TMIGD3: variants seen among roughly 807,000 people sequenced by gnomAD.
The protein encoded by TMIGD3 is transmembrane and immunoglobulin domain containing 3.
A neutral mutation model predicts 28.1 loss-of-function variants in TMIGD3; 21 were observed. That is an observed-to-expected ratio of 0.75 (90% confidence interval 0.53 to 1.08). The LOEUF is 1.08. Ranked by LOEUF, TMIGD3 falls within the 50% of genes least tolerant of loss-of-function variation. The pLI is 0.00. For synonymous variants in TMIGD3, 151 were observed against 162.1 expected (o/e 0.93, Z 0.52); for missense variants, 416 against 435.6 (o/e 0.96, Z 0.40).
At chr1:111,545,041 T>G (rs1438735057) in intron 1 of TMIGD3, among the ~76,000 whole-genome samples, 1 of 130,310 alleles carries the variant, frequency 7.7e-6, no homozygotes, top group African/African-American at 2.9e-5. Flanking sequence ...TATATCCAAT[T>G]TGGTACATAC....
In TMIGD3 at chr1:111,502,447, G is replaced by A. The variant is rs183333314; in HGVS notation, c.350+558C>T. On this transcript the variant is annotated intron_variant, in intron 1 of 5. Transcript: ENST00000369716. ...ATAGGATACATATATTTATTATAAT[G>A]AATATATATAGGATACATATATTTA... is the stretch of plus-strand genomic sequence containing the variant. Among the ~76,000 whole-genome samples the A allele has an allele frequency of 2.2e-4, 17 of 78,026 alleles. 2 individuals carry two copies. The highest frequency in any genetic ancestry group is 7.3e-4 in the African/African-American group (12 of 16,540). 51.2% of individuals were successfully genotyped at this position (78,026 alleles called of 152,430 possible).
intron 1 of TMIGD3, chr1:111,500,437 T>C: frequency 6.2e-7 from 1 of 1,614,204 alleles, no homozygotes; most frequent in Non-Finnish European, 8.5e-7. Context: ...ATTTCTGTGG[T>C]ACTCTGAGGT....
At chr1:111,494,793 A>C (rs1654817524) in intron 1 of TMIGD3, among the ~76,000 whole-genome samples, 1 of 152,202 alleles carries the variant, frequency 6.6e-6, no homozygotes, top group Admixed American at 6.5e-5. Flanking sequence ...TGGTACAAAA[A>C]CAGACACATA....
At chr1:111,524,887 T>C (rs1656210884) in intron 1 of TMIGD3, among the ~76,000 whole-genome samples, 1 of 152,256 alleles carries the variant, frequency 6.6e-6, no homozygotes. Context: ...CCCAAAGTGC[T>C]GGGATTACAG....
intron 1 of TMIGD3, among the ~76,000 whole-genome samples, chr1:111,519,538 G>T (rs149188007): frequency 6.6e-6 from 1 of 152,206 alleles, no homozygotes; most frequent in East Asian, 1.9e-4. Flanking sequence ...CCTGTGACAC[G>T]GAGAGATGTG....
At chr1:111,540,262 A>G (rs993516446) in intron 1 of TMIGD3, among the ~76,000 whole-genome samples, 5 of 152,180 alleles carry the variant, frequency 3.3e-5, no homozygotes, top group African/African-American at 1.2e-4. Context: ...AGCACCCAGA[A>G]TGTTTTGACA....
intron 1 of TMIGD3, among the ~76,000 whole-genome samples, chr1:111,546,599 T>C (rs1208102117): frequency 6.6e-6 from 1 of 152,180 alleles, no homozygotes; most frequent in East Asian, 1.9e-4. Flanking sequence ...TGTGTCAGAA[T>C]TTTCATCCTT....
chr1:111,492,171 C>T (rs922238263), intron 1 of TMIGD3, among the ~76,000 whole-genome samples: 1 of 152,134 alleles, frequency 6.6e-6, no homozygotes, highest in Non-Finnish European at 1.5e-5. Context: ...GTGGATCCTC[C>T]AGCCACTGTC....
At chr1:111,523,371 A>C (rs1373618357) in intron 1 of TMIGD3, among the ~76,000 whole-genome samples, 2 of 152,186 alleles carry the variant, frequency 1.3e-5, no homozygotes, top group Non-Finnish European at 2.9e-5. Context: ...ATATATTGTT[A>C]GACTCAACGT....
chr1:111,528,405 T>A (rs34423622), intron 1 of TMIGD3, among the ~76,000 whole-genome samples: 24,470 of 152,226 alleles, frequency 0.16, 2,235 homozygotes, highest in East Asian at 0.46. Context: ...CTACACTGTC[T>A]TGATTATTAT....
At chr1:111,492,514 A>G (rs1272741917) in intron 1 of TMIGD3, among the ~76,000 whole-genome samples, 2 of 152,182 alleles carry the variant, frequency 1.3e-5, no homozygotes, top group Non-Finnish European at 2.9e-5. Flanking sequence ...AAAATGCCCA[A>G]GACATGAAAA....
chr1:111,553,587 G>T (rs376533888), intron 1 of TMIGD3, among the ~76,000 whole-genome samples: 2 of 152,062 alleles, frequency 1.3e-5, no homozygotes, highest in African/African-American at 2.4e-5. Context: ...ATTTCTACTG[G>T]TTACATCTAA....
At chr1:111,550,626 A>C (rs1657219822) in intron 1 of TMIGD3, among the ~76,000 whole-genome samples, 1 of 152,044 alleles carries the variant, frequency 6.6e-6, no homozygotes, top group Admixed American at 6.6e-5. Flanking sequence ...TTTAATTTCC[A>C]TATATTTAGG....
chr1:111,489,625 AC>A, intron 2 of TMIGD3: 1 of 1,170,714 alleles, frequency 8.5e-7, no homozygotes, highest in Non-Finnish European at 1.1e-6. Context: ...GAGGCCTCCT[AC>A]CATTGCTTGA....
At chr1:111,500,916 T>C (rs976162687) in intron 1 of TMIGD3, 3 of 319,670 alleles carry the variant, frequency 9.4e-6, no homozygotes, top group African/African-American at 6.8e-5. Context: ...CTATCTTTTC[T>C]TTTTCTTTTT....
At chr1:111,522,518 CTTT>C (rs1375113931) in intron 1 of TMIGD3, among the ~76,000 whole-genome samples, 5 of 135,654 alleles carry the variant, frequency 3.7e-5, no homozygotes, top group Admixed American at 7.4e-5. Context: ...TTGTTTGTTG[CTTT>C]TTTTTTTTTT....
chr1:111,491,553 T>C (rs973743957), intron 1 of TMIGD3, among the ~76,000 whole-genome samples: 1 of 152,220 alleles, frequency 6.6e-6, no homozygotes, highest in African/African-American at 2.4e-5. Flanking sequence ...TATGCAATAA[T>C]GTCCTCTCTG....
intron 1 of TMIGD3, among the ~76,000 whole-genome samples, chr1:111,496,955 A>G (rs993017016): frequency 1.3e-5 from 2 of 152,162 alleles, no homozygotes; most frequent in South Asian, 4.1e-4. Context: ...GTTCCAGCTT[A>G]TTCATATGGA....
intron 1 of TMIGD3, among the ~76,000 whole-genome samples, chr1:111,561,813 T>C (rs1436877292): frequency 1.3e-5 from 2 of 152,074 alleles, no homozygotes; most frequent in African/African-American, 2.4e-5. Context: ...CAGAAGTATG[T>C]CTGAATTTAA....
Sources: gnomAD v4.1 joint callset for allele counts (sites outside exome capture counted in the v4.1 genomes callset) on GRCh38, gnomAD v4.1.1 for gene constraint, MANE v1.5 for transcripts, NCBI Gene and HGNC (gene_info 2026-07-23, HGNC 2026-07-21) for gene names.